PCNT: variants seen among roughly 807,000 people sequenced by gnomAD.
PCNT encodes kendrin.
Under a neutral mutation model 380.4 loss-of-function variants are expected in PCNT, and 319 were observed. The observed-to-expected ratio is 0.84, with a 90% CI of 0.77 to 0.92. PCNT has a LOEUF of 0.92. Among genes scored for constraint, PCNT ranks in the 40% least tolerant of loss-of-function variants. The pLI is 0.00. For synonymous variants in PCNT, 1,845 were observed against 1,735.2 expected (o/e 1.06, Z -1.57); for missense variants, 4,400 against 4,255.3 (o/e 1.03, Z -0.95).
At chr21:46,418,119 G>T in intron 30 of PCNT, 85 bp from the exon 31 acceptor site, 1 of 793,126 alleles carries the variant, frequency 1.3e-6, no homozygotes. Context: ...GATAAATTCA[G>T]GCCTTTGAAA....
intron 33 of PCNT, among the ~76,000 whole-genome samples, chr21:46,426,416 C>T (rs2087508433): frequency 6.6e-6 from 1 of 152,206 alleles, no homozygotes; most frequent in Admixed American, 6.5e-5. Flanking sequence ...AGCGCAGGCT[C>T]TCGGGGCAGG....
intron 1 of PCNT, chr21:46,325,180 G>A (rs2083334390): frequency 1.0e-6 from 1 of 985,780 alleles, no homozygotes; most frequent in Non-Finnish European, 1.2e-6. Context: ...AGCGCGAGGC[G>A]GAACCGCGGG....
chr21:46,374,792 T>G (rs1322404822), intron 15 of PCNT, among the ~76,000 whole-genome samples: 1 of 140,746 alleles, frequency 7.1e-6, no homozygotes, highest in African/African-American at 2.7e-5. Context: ...GAGGTTGTGG[T>G]GAGCCAAGAT....
At chr21:46,417,801 G>C (rs2087093484) in intron 30 of PCNT, among the ~76,000 whole-genome samples, 1 of 152,306 alleles carries the variant, frequency 6.6e-6, no homozygotes, top group African/African-American at 2.4e-5. Flanking sequence ...TCTTCAGGAG[G>C]CTGAGGCAGG....
At chr21:46,445,198 A>G in intron 46 of PCNT, 86 bp from the exon 47 acceptor site, 1 of 891,918 alleles carries the variant, frequency 1.1e-6, no homozygotes, top group Non-Finnish European at 1.9e-6. Flanking sequence ...GAATTCAGTG[A>G]TAGTGTTTCA....
chr21:46,389,605 CTGTT>C (rs1371626930), intron 19 of PCNT, among the ~76,000 whole-genome samples, 174 bp downstream of exon 19: 2 of 152,246 alleles, frequency 1.3e-5, no homozygotes, highest in African/African-American at 4.8e-5. Context: ...ATGAGAGAAT[CTGTT>C]TGTTTAATTT....
rs2085923799 is a variant in PCNT, at chr21:46,388,681, C to T, written c.3465-61C>T. Reference sequence around the variant, plus strand: ...CTGGTGGGCGGCCCCTCAGCAGCATCCAGGGTGGGGGTTCTTATGCCGTGA... The same window carrying T: ...CTGGTGGGCGGCCCCTCAGCAGCATTCAGGGTGGGGGTTCTTATGCCGTGA... On this transcript the variant is annotated intron_variant, in intron 17 of 46. Transcript: ENST00000359568. The surrounding 1 kb of genome is among the most constrained non-coding windows in gnomAD (Gnocchi z 4.2). 1.2e-6 allele frequency: 2 copies of T among 1,604,628 alleles called. No individual in the cohort carries two copies. The highest frequency in any genetic ancestry group is 1.7e-5 in the Admixed American group (1 of 59,998).
chr21:46,426,648 C>T (rs928147812), intron 33 of PCNT, among the ~76,000 whole-genome samples: 1 of 152,200 alleles, frequency 6.6e-6, no homozygotes, highest in Non-Finnish European at 1.5e-5. Flanking sequence ...CCTACCTCCC[C>T]CTCCACACCC....
At chr21:46,426,964 G>A (rs1246595142) in intron 33 of PCNT, among the ~76,000 whole-genome samples, 2 of 152,154 alleles carry the variant, frequency 1.3e-5, no homozygotes, top group South Asian at 4.1e-4. Context: ...AGCCCCACCC[G>A]CCTCCGCTCG....
intron 39 of PCNT, 96 bp downstream of exon 39, chr21:46,436,244 C>T (rs375170457): frequency 1.4e-6 from 2 of 1,420,000 alleles, no homozygotes; most frequent in Non-Finnish European, 1.9e-6. Context: ...GGTGTGAGGC[C>T]CCTGCTCCTT....
rs768307996 is a variant in PCNT at position 46,431,797 on chromosome 21, C to T, written c.8333C>T (p.Ala2778Val). ...CAGCTGAGCCAGAGGACACAGGAGG[C>T]TTGCGTGCACCAGGACACACAGGCC... ...TEQLSQRTQE[A>V]CVHQDTQAHH... The change falls in exon 38 of 47, where the codon GCT (alanine) becomes GTT (valine). Residue 2778 changes from alanine (A) to valine (V), a missense_variant. By Grantham distance (64) the Ala-to-Val change is moderately conservative (BLOSUM62 0). Coordinates refer to ENST00000359568, the MANE Select transcript of PCNT (RefSeq NM_006031.6). 6 of 1,613,518 alleles carry T rather than the reference C, an allele frequency of 3.7e-6. No homozygotes were observed. In the East Asian group the frequency reaches 8.9e-5, roughly 24 times the overall value.
rs2053432865 is a variant in PCNT, at chr21:46,436,002, C to T, written c.8850C>T (p.Ser2950=). The T allele has an allele frequency of 6.2e-7, 1 of 1,614,108 alleles. No homozygotes were observed. Among genetic ancestry groups the T allele is most frequent in the Non-Finnish European group, 8.5e-7 (1 of 1,180,000 alleles). ...AGTCGAAGGACGAGGTGCCTGGCAG[C>T]CGCCTCCACCTAGGTTCTGCCCGCA... The part of the protein sequence containing the change: ...DLESKDEVPG[S]RLHLGSARRA... The change falls in exon 39 of 47, where the codon AGC becomes AGT. Residue 2950 remains serine (S), a synonymous_variant. Transcript: ENST00000359568.
At chr21:46,368,042 C>T (rs1270790105) in intron 15 of PCNT, among the ~76,000 whole-genome samples, 1 of 152,146 alleles carries the variant, frequency 6.6e-6, no homozygotes, top group Non-Finnish European at 1.5e-5. Context: ...GTAGTCTCAG[C>T]TACTTTGGAG....
At chr21:46,353,638 G>A (rs1329407719) in intron 10 of PCNT, among the ~76,000 whole-genome samples, 1 of 151,770 alleles carries the variant, frequency 6.6e-6, no homozygotes, top group Non-Finnish European at 1.5e-5. Flanking sequence ...GTCCAGGCCT[G>A]CGTGTGTGTG....
chr21:46,395,707 A>C (rs988961595), intron 21 of PCNT, among the ~76,000 whole-genome samples: 2 of 151,924 alleles, frequency 1.3e-5, no homozygotes, highest in Non-Finnish European at 2.9e-5. Flanking sequence ...CAGAAATAAT[A>C]GTAATAAAAT....
At chr21:46,414,969 T>C (rs1183700270) in intron 29 of PCNT, among the ~76,000 whole-genome samples, 2 of 152,160 alleles carry the variant, frequency 1.3e-5, no homozygotes, top group East Asian at 3.8e-4. Flanking sequence ...ACCCAGAGGC[T>C]CTAACACCAG....
rs1459101407 is a variant in PCNT, at chr21:46,334,786, T to G, written c.639+18T>G. ...TCACAAAGGTATTCTTTAAGTTCTC[T>G]GTTAAGGTGTATTCTTTGTCAAAAG... On this transcript the variant is annotated intron_variant, in intron 3 of 46. Coordinates refer to ENST00000359568, the MANE Select transcript of PCNT (RefSeq NM_006031.6). 6.2e-7 allele frequency: 1 copy of G among 1,614,252 alleles called. No homozygotes were observed. Among genetic ancestry groups the G allele is most frequent in the East Asian group, 2.2e-5 (1 of 44,892 alleles).
At position 46,355,425 on chromosome 21, in the gene PCNT, T is replaced by G. The variant is rs138911026; in HGVS notation, c.1762-27T>G. On this transcript the variant is annotated intron_variant, in intron 11 of 46. Transcript: ENST00000359568. ...AGCGAGGTAGCTTGGCTCACTAACG[T>G]GCTTGTCCCACGTGGTTTCTCTGTA... 4.2e-4 allele frequency: 685 copies of G among 1,612,142 alleles called. 4 individuals carry two copies. In the African/African-American group the frequency reaches 8.0e-3, roughly 19 times the overall value.
chr21:46,353,001 T>G (rs2084330875), intron 9 of PCNT, 103 bp from the exon 10 acceptor site: 1 of 919,398 alleles, frequency 1.1e-6, no homozygotes, highest in East Asian at 2.5e-5. Context: ...TGGGCCCTTT[T>G]CCGAGTTCTG....
Sources: allele counts gnomAD v4.1 joint callset (sites outside exome capture counted in the v4.1 genomes callset), GRCh38; gene constraint gnomAD v4.1.1; non-coding constraint Gnocchi (gnomAD v3.1); transcripts MANE v1.5; gene names NCBI Gene and HGNC (gene_info 2026-07-23, HGNC 2026-07-21).